SDK1: variants seen among roughly 807,000 people sequenced by gnomAD.
SDK1 encodes the protein sidekick cell adhesion molecule 1.
In SDK1, 157 loss-of-function variants were observed where a neutral mutation model predicts 245.5. That is an observed-to-expected ratio of 0.64 (90% CI 0.56 to 0.73). The LOEUF (loss-of-function observed/expected upper bound fraction) is 0.73. Among genes scored for constraint, SDK1 ranks in the 30% least tolerant of loss-of-function variants. The pLI is 0.00. For synonymous variants in SDK1, 1,647 were observed against 1,278.5 expected (o/e 1.29, Z -6.15); for missense variants, 3,583 against 3,002.3 (o/e 1.19, Z -4.52).
chr7:3,941,902 T>G (rs1274371888), intron 5 of SDK1, among the ~76,000 whole-genome samples: 1 of 144,132 alleles, frequency 6.9e-6, no homozygotes, highest in East Asian at 2.0e-4. Context: ...GGACAAGACT[T>G]CATTCTTTTT....
intron 5 of SDK1, among the ~76,000 whole-genome samples, chr7:3,948,251 C>CTTTTTTTTT (rs34746302): frequency 1.9e-4 from 15 of 79,654 alleles, no homozygotes; most frequent in Non-Finnish European, 2.0e-4. Flanking sequence ...ATCACCATTG[C>CTTTTTTTTT]TTTTTTTTTT....
In SDK1 at chr7:4,121,067, A is replaced by G. The variant is rs77216029; in HGVS notation, c.3824-6314A>G. Among the ~76,000 whole-genome samples the G allele has an allele frequency of 6.6e-3, 1,004 of 152,208 alleles. 8 individuals carry two copies. The highest frequency in any genetic ancestry group is 0.023 in the African/African-American group (964 of 41,532). The stretch of plus-strand genomic sequence containing the variant: ...ATGCAGAGGATAATATTTTATGTGT[A>G]AATGTATTCCAGGGTTTTTCTTCTG... On this transcript the variant is annotated intron_variant, in intron 25 of 44. Transcript: ENST00000404826.
intron 5 of SDK1, among the ~76,000 whole-genome samples, chr7:3,843,989 T>C (rs6953036): frequency 6.6e-6 from 1 of 152,018 alleles, no homozygotes; most frequent in Non-Finnish European, 1.5e-5. Flanking sequence ...ATTTATTTAT[T>C]AGACAGAGTC....
intron 18 of SDK1, among the ~76,000 whole-genome samples, chr7:4,051,021 G>A (rs1273134758): frequency 2.9e-5 from 4 of 139,676 alleles, no homozygotes; most frequent in Admixed American, 1.5e-4. Flanking sequence ...TACTATATGT[G>A]TATATGTTAT....
At chr7:3,391,915 C>A (rs111441139) in intron 1 of SDK1, among the ~76,000 whole-genome samples, 1 of 150,784 alleles carries the variant, frequency 6.6e-6, no homozygotes, top group South Asian at 2.1e-4. Context: ...AGGTGTCAAC[C>A]GCCATGTTTG....
At chr7:4,174,168 G>A (rs1470516185) in intron 32 of SDK1, 54 bp from the exon 33 acceptor site, 2 of 1,600,992 alleles carry the variant, frequency 1.2e-6, no homozygotes, top group South Asian at 1.1e-5. Flanking sequence ...CCCTGCTGCA[G>A]GCCAGCTGGG....
chr7:3,706,409 C>T (rs1023973377), intron 4 of SDK1, among the ~76,000 whole-genome samples: 1 of 151,960 alleles, frequency 6.6e-6, no homozygotes, highest in African/African-American at 2.4e-5. Context: ...TTTTTGTTGG[C>T]ATTTTTCTTT....
intron 4 of SDK1, among the ~76,000 whole-genome samples, chr7:3,803,766 T>G (rs958245023): frequency 9.3e-5 from 13 of 139,112 alleles, no homozygotes; most frequent in East Asian, 4.0e-4. Context: ...TTTTTTTTTT[T>G]GAGACAGAGT....
Position 3,446,708 on chromosome 7 carries a change from C to G in SDK1, c.298+144824C>G, listed in dbSNP as rs1381575143. 6.6e-5 allele frequency among the ~76,000 whole-genome samples: 10 copies of G among 152,162 alleles called. No homozygotes were observed. In the East Asian group the frequency reaches 1.9e-3, roughly 29 times the overall value. On this transcript the variant is annotated intron_variant, in intron 1 of 44. Transcript: ENST00000404826. ...TTTCAAACAAGACAAAATTATTATT[C>G]TATTTGAATTCAATCCCTAACAAAT...
At chr7:3,452,946 C>T (rs1044985125) in intron 1 of SDK1, among the ~76,000 whole-genome samples, 1 of 152,224 alleles carries the variant, frequency 6.6e-6, no homozygotes, top group Non-Finnish European at 1.5e-5. Context: ...AATCAGTTAC[C>T]CTATTCCACC....
intron 40 of SDK1, among the ~76,000 whole-genome samples, chr7:4,229,905 C>A (rs1785642884): frequency 6.6e-6 from 1 of 151,762 alleles, no homozygotes; most frequent in African/African-American, 2.4e-5. Flanking sequence ...TGAAAGCCTG[C>A]TGTACTAGGC....
At chr7:3,490,473 G>T (rs1781833329) in intron 1 of SDK1, among the ~76,000 whole-genome samples, 1 of 152,136 alleles carries the variant, frequency 6.6e-6, no homozygotes, top group Non-Finnish European at 1.5e-5. Context: ...AGTCATTCCT[G>T]TGTTCTGTAT....
intron 4 of SDK1, among the ~76,000 whole-genome samples, chr7:3,819,828 G>T (rs576581369): frequency 6.6e-6 from 1 of 152,060 alleles, no homozygotes. Context: ...AAAATCAAGA[G>T]TTTTTGAAAA....
At chr7:4,075,388 T>C (rs1780603137) in intron 20 of SDK1, among the ~76,000 whole-genome samples, 2 of 152,256 alleles carry the variant, frequency 1.3e-5, no homozygotes, top group South Asian at 4.1e-4. Flanking sequence ...CTTGTTTACC[T>C]GCAAGTGCAA....
chr7:3,615,118 C>G (rs1781726099), intron 1 of SDK1, among the ~76,000 whole-genome samples: 2 of 151,590 alleles, frequency 1.3e-5, no homozygotes, highest in South Asian at 4.1e-4. Flanking sequence ...CGAAGCTTTT[C>G]CCTTTCGAAA....
In SDK1 at chr7:3,951,893, A is replaced by G. The variant is rs936826256; in HGVS notation, c.1123A>G (p.Arg375Gly). 6.2e-6 allele frequency: 10 copies of G among 1,613,220 alleles called. No homozygotes were observed. The Admixed American group carries it at 6.7e-5, about 11-fold the overall frequency. ...GCCGGGGAGCGCTTTTGAACCGGCCAGGGCGACGGCCTTTCTTTTCATCAT... is the reference window on the plus strand; with the variant it reads ...GCCGGGGAGCGCTTTTGAACCGGCCGGGGCGACGGCCTTTCTTTTCATCAT... Reference protein sequence around the residue: ...ALPGSAFEPARATAFLFIIEP... With the variant: ...ALPGSAFEPAGATAFLFIIEP... Residue 375 changes from arginine to glycine, a missense_variant, in exon 7 of 45, where the codon AGG (arginine) becomes GGG (glycine). Physicochemically the swap from Arg to Gly is moderately radical, Grantham distance 125 (BLOSUM62 -2). Coordinates refer to ENST00000404826, the MANE Select transcript of SDK1 (RefSeq NM_152744.4).
At chr7:3,705,294 A>G (rs1037670321) in intron 4 of SDK1, among the ~76,000 whole-genome samples, 5 of 151,952 alleles carry the variant, frequency 3.3e-5, no homozygotes, top group Non-Finnish European at 7.4e-5. Context: ...GGTCATTTTC[A>G]TGATACTGAT....
intron 1 of SDK1, among the ~76,000 whole-genome samples, chr7:3,565,797 C>T (rs1419731439): frequency 6.6e-6 from 1 of 152,088 alleles, no homozygotes; most frequent in African/African-American, 2.4e-5. Flanking sequence ...TTATATTGTT[C>T]AGGGAATAAT....
At chr7:4,064,333 C>T (rs556651455) in intron 19 of SDK1, among the ~76,000 whole-genome samples, 7 of 152,256 alleles carry the variant, frequency 4.6e-5, no homozygotes, top group African/African-American at 1.7e-4. Flanking sequence ...CCCAGTATCA[C>T]TAATCATCAA....
Sources: allele counts gnomAD v4.1 joint callset (sites outside exome capture counted in the v4.1 genomes callset), GRCh38; gene constraint gnomAD v4.1.1; transcripts MANE v1.5; gene names NCBI Gene and HGNC (gene_info 2026-07-23, HGNC 2026-07-21).